HSPA12A: variants seen among roughly 807,000 people sequenced by gnomAD.
The protein encoded by HSPA12A is heat shock protein family A (Hsp70) member 12A.
In HSPA12A, 28 loss-of-function variants were observed where a neutral mutation model predicts 69.2. The observed-to-expected ratio is 0.40, with a 90% CI of 0.30 to 0.55. The LOEUF (loss-of-function observed/expected upper bound fraction) is 0.55. Ranked by LOEUF, HSPA12A falls within the 20% of genes least tolerant of loss-of-function variation. The probability of loss-of-function intolerance (pLI) is 0.38; values close to 1 mark genes in which losing one functional copy is unlikely to be tolerated. For synonymous variants in HSPA12A, 345 were observed against 370.5 expected, an observed-to-expected ratio of 0.93 and a Z score of 0.79; for missense variants, 686 against 900.7, an observed-to-expected ratio of 0.76 and a Z score of 3.05.
At chr10:116,826,997 G>C (rs755832237) in intron 2 of HSPA12A, among the ~76,000 whole-genome samples, 1 of 152,138 alleles carries the variant, frequency 6.6e-6, no homozygotes, top group Non-Finnish European at 1.5e-5. Flanking sequence ...TAAGTGGCAA[G>C]CCCGATTCAG....
rs1239068421 is a variant in HSPA12A, at chr10:116,736,182, C to A, written c.40+6248G>T. 2.0e-5 allele frequency among the ~76,000 whole-genome samples: 3 copies of A among 152,222 alleles called. No homozygotes were observed. In the East Asian group the frequency reaches 5.8e-4, roughly 29 times the overall value. On this transcript the variant is annotated intron_variant, in intron 1 of 11. Transcript: ENST00000369209. Reference sequence around the variant, plus strand: ...TTCAGATCTCAATGAGTCATGGGCCCCTCAGAAGGGGCTAAATCAGCCCTA... The same window carrying A: ...TTCAGATCTCAATGAGTCATGGGCCACTCAGAAGGGGCTAAATCAGCCCTA...
chr10:116,794,144 G>T (rs1266525982), intron 2 of HSPA12A, among the ~76,000 whole-genome samples: 1 of 152,110 alleles, frequency 6.6e-6, no homozygotes, highest in Non-Finnish European at 1.5e-5. Context: ...GGTGGAGCTT[G>T]CAGTGAGCCG....
Position 116,777,321 on chromosome 10 carries a change from A to C in HSPA12A, c.91+57614T>G, listed in dbSNP as rs562756478. The stretch of plus-strand genomic sequence containing the variant: ...CCAAAATAATCTAAATAATAAAAGA[A>C]ATGACTTAAAACAGTATCTTTTAGA... On this transcript the variant is annotated intron_variant, in intron 2 of 12. Transcript: ENST00000635765. Among the ~76,000 whole-genome samples the C allele has an allele frequency of 2.6e-5, 4 of 152,388 alleles. No homozygotes were observed. The South Asian group carries it at 8.3e-4, about 32-fold the overall frequency.
chr10:116,814,072 A>G (rs1385525626), intron 2 of HSPA12A, among the ~76,000 whole-genome samples: 4 of 152,200 alleles, frequency 2.6e-5, no homozygotes, highest in Admixed American at 2.6e-4. Flanking sequence ...AAACAGAGGA[A>G]AAGATGGAGG....
chr10:116,698,566 C>A (rs1386154996), intron 5 of HSPA12A, 69 bp downstream of exon 5: 2 of 1,271,076 alleles, frequency 1.6e-6, no homozygotes, highest in Non-Finnish European at 2.3e-6. Flanking sequence ...TGCAGCAGCC[C>A]GAGACACGGA....
chr10:116,700,837 C>A, intron 4 of HSPA12A, 106 bp downstream of exon 4: 1 of 1,041,504 alleles, frequency 9.6e-7, no homozygotes, highest in Non-Finnish European at 1.4e-6. Context: ...TGGAAGAGAC[C>A]AGAGGGCCCC....
chr10:116,799,924 G>T (rs1250853592), intron 2 of HSPA12A, among the ~76,000 whole-genome samples: 3 of 152,220 alleles, frequency 2.0e-5, no homozygotes, highest in Non-Finnish European at 4.4e-5. Flanking sequence ...CTCTCCCTAT[G>T]TGCCATTTAC....
In HSPA12A at chr10:116,676,441, C is replaced by T. The variant is rs782487879; in HGVS notation, c.1348G>A (p.Ala450Thr). 29 of 1,613,866 alleles carry T rather than the reference C, an allele frequency of 1.8e-5. No homozygotes were observed. The highest frequency in any genetic ancestry group is 1.6e-4 in the Middle Eastern group (1 of 6,084). ...CTATCGATGGTCGGCTTAAAAAGGG[C>T]GTTCATGGCATCTGGACTCATCCGC... ...MLRMSPDAMN[A>T]LFKPTIDSII... The change falls in exon 11 of 12, where the codon GCC (alanine) becomes ACC (threonine). Residue 450 changes from alanine (A) to threonine (T), a missense_variant. Coordinates refer to ENST00000369209, the MANE Select transcript of HSPA12A (RefSeq NM_025015.3).
chr10:116,834,756 C>T (rs767756493), intron 2 of HSPA12A, among the ~76,000 whole-genome samples: 1 of 152,200 alleles, frequency 6.6e-6, no homozygotes, highest in South Asian at 2.1e-4. Context: ...ACCTCTTCCC[C>T]CTTGCTGGTG....
chr10:116,786,648 T>C (rs1844583360), intron 2 of HSPA12A, among the ~76,000 whole-genome samples: 1 of 152,122 alleles, frequency 6.6e-6, no homozygotes, highest in Non-Finnish European at 1.5e-5. Flanking sequence ...TATTTATTTA[T>C]TTATTTATTG....
chr10:116,698,125 A>T (rs1849969456), intron 5 of HSPA12A: 1 of 152,682 alleles, frequency 6.5e-6, no homozygotes, highest in East Asian at 1.9e-4. Context: ...GTGGATGGGC[A>T]TGTGGATTTT....
intron 1 of HSPA12A, among the ~76,000 whole-genome samples, chr10:116,738,912 G>A (rs1589675317): frequency 6.6e-6 from 1 of 152,214 alleles, no homozygotes; most frequent in Non-Finnish European, 1.5e-5. Context: ...CACCAAGGCG[G>A]CAGACAAGTT....
At position 116,794,022 on chromosome 10, in the gene HSPA12A, C is replaced by A. The variant is rs139226044; in HGVS notation, c.91+40913G>T. 7.3e-3 allele frequency among the ~76,000 whole-genome samples: 1,113 copies of A among 152,078 alleles called. 8 individuals are homozygous for A. The highest frequency in any genetic ancestry group is 0.013 in the Non-Finnish European group (905 of 67,988). On this transcript the variant is annotated intron_variant, in intron 2 of 12. Transcript: ENST00000635765. ...GATCATCCTGGCTAATATGGTGAAA[C>A]CCTGTCTCTACTAAAAAATACTAAA...
Position 116,671,520 on chromosome 10 carries a change from C to T in HSPA12A, c.*3261G>A, listed in dbSNP as rs549448972. On this transcript the variant is annotated 3_prime_UTR_variant, in exon 12 of 12. Coordinates refer to ENST00000369209, the MANE Select transcript of HSPA12A (RefSeq NM_025015.3). ...ATTCTGACTCCTGTTTACATTGGTGCATGCGATTCTTTGCTACCCTGGCAA... is the reference window on the plus strand; with the variant it reads ...ATTCTGACTCCTGTTTACATTGGTGTATGCGATTCTTTGCTACCCTGGCAA... 6.6e-6 allele frequency: 1 copy of T among 152,638 alleles called. No homozygotes were observed. The highest frequency in any genetic ancestry group is 2.1e-4 in the South Asian group (1 of 4,824). The allele number at this position is 152,638 out of a possible 1,614,324, so 9.5% of individuals were successfully genotyped here.
chr10:116,691,795 A>C (rs1076367), intron 6 of HSPA12A, among the ~76,000 whole-genome samples: 1 of 152,034 alleles, frequency 6.6e-6, no homozygotes, highest in African/African-American at 2.4e-5. Flanking sequence ...CCCCTTGGCC[A>C]TGCCACTGCC....
At chr10:116,765,552 A>G (rs559917679) in intron 2 of HSPA12A, among the ~76,000 whole-genome samples, 1 of 152,350 alleles carries the variant, frequency 6.6e-6, no homozygotes, top group South Asian at 2.1e-4. Context: ...TATTAAAAAT[A>G]AAAGATATTT....
At chr10:116,797,275 C>T (rs1400227078) in intron 2 of HSPA12A, among the ~76,000 whole-genome samples, 3 of 152,066 alleles carry the variant, frequency 2.0e-5, no homozygotes, top group Non-Finnish European at 4.4e-5. Flanking sequence ...GACAGGCTGC[C>T]ACTGAAGGCT....
At chr10:116,687,472 A>C (rs1283896825) in intron 6 of HSPA12A, among the ~76,000 whole-genome samples, 1 of 152,118 alleles carries the variant, frequency 6.6e-6, no homozygotes, top group Non-Finnish European at 1.5e-5. Flanking sequence ...AGCTGAGGAG[A>C]GGTGAGAAGA....
upstream of HSPA12A, among the ~76,000 whole-genome samples, chr10:116,744,680 C>G (rs1416956983): frequency 6.6e-6 from 1 of 152,250 alleles, no homozygotes; most frequent in Non-Finnish European, 1.5e-5. Flanking sequence ...CTAATTACAA[C>G]GCGCCCTGCT....
Sources: allele counts gnomAD v4.1 joint callset (sites outside exome capture counted in the v4.1 genomes callset), GRCh38; gene constraint gnomAD v4.1.1; transcripts MANE v1.5; gene names NCBI Gene and HGNC (gene_info 2026-07-23, HGNC 2026-07-21).